The following BBS4 variants were observed in gnomAD, a reference collection of about 807,000 sequenced individuals.
BBS4 encodes the protein Bardet-Biedl syndrome 4.
BBS4 carries 58 observed loss-of-function variants against 71.4 expected under a neutral mutation model. The ratio of observed to expected loss-of-function variants is 0.81; its 90% CI spans 0.66 to 1.01. The LOEUF (loss-of-function observed/expected upper bound fraction) is 1.01, where lower values mean the gene tolerates loss of function less well. Ranked by LOEUF, BBS4 falls within the 50% of genes least tolerant of loss-of-function variation. The pLI, the probability that BBS4 is intolerant of heterozygous loss-of-function variation, is 0.00. For missense variants in BBS4, 660 were observed against 607.9 expected, an observed-to-expected ratio of 1.09 and a Z score of -0.90; for synonymous variants, 228 against 216.8, an observed-to-expected ratio of 1.05 and a Z score of -0.46.
intron 7 of BBS4, among the ~76,000 whole-genome samples, chr15:72,723,816 AT>A (rs1334944204): frequency 1.3e-5 from 2 of 152,204 alleles, no homozygotes; most frequent in African/African-American, 4.8e-5. Flanking sequence ...AAACAGGCAC[AT>A]TTCTATTCAC....
rs1471538426 is a variant in BBS4 at position 72,735,729 on chromosome 15, T to TA, written c.1107-94dup. Reference sequence around the variant, plus strand: ...GCTGCATAATGGAGAAATCTCTACTTAACCAGTTTTGTTTTGTTTTTGTGT... The same window carrying TA: ...GCTGCATAATGGAGAAATCTCTACTTAAACCAGTTTTGTTTTGTTTTTGTGT... On this transcript the variant is annotated intron_variant, in intron 13 of 15. Coordinates refer to ENST00000268057, the MANE Select transcript of BBS4 (RefSeq NM_033028.5). 3.4e-6 allele frequency: 5 copies of TA among 1,490,822 alleles called. No individual in the cohort carries two copies. The African/African-American group carries it at 6.9e-5, about 21-fold the overall frequency. 92.3% of individuals were successfully genotyped at this position (1,490,822 alleles called of 1,614,324 possible).
Position 72,738,138 on chromosome 15 carries a change from A to T in BBS4, c.*551A>T. 1 of 451,926 alleles carries T rather than the reference A, an allele frequency of 2.2e-6. No individual in the cohort carries two copies. Among genetic ancestry groups the T allele is most frequent in the South Asian group, 1.6e-5 (1 of 64,064 alleles). 28.0% of individuals were successfully genotyped at this position (451,926 alleles called of 1,614,324 possible). ...CTGGAAGTTGAGGCCAAGCCTGCTG[A>T]GTATTGCAGCTGCATTTGCCCAAAG... On this transcript the variant is annotated 3_prime_UTR_variant, in exon 16 of 16. Coordinates refer to ENST00000268057, the MANE Select transcript of BBS4 (RefSeq NM_033028.5).
At chr15:72,689,959 T>C (rs2114256) in intron 1 of BBS4, among the ~76,000 whole-genome samples, 82,861 of 151,726 alleles carry the variant, frequency 0.55, 24,062 homozygotes, top group Middle Eastern at 0.68. Flanking sequence ...TACAGGCGCC[T>C]GCCACCACGC....
At chr15:72,700,136 C>T (rs1489353816) in intron 2 of BBS4, among the ~76,000 whole-genome samples, 1 of 152,098 alleles carries the variant, frequency 6.6e-6, no homozygotes, top group Non-Finnish European at 1.5e-5. Context: ...GACGGGATTT[C>T]ACCATATTAG....
At chr15:72,718,720 A>G (rs934481653) in intron 6 of BBS4, among the ~76,000 whole-genome samples, 1 of 152,222 alleles carries the variant, frequency 6.6e-6, no homozygotes, top group Non-Finnish European at 1.5e-5. Flanking sequence ...GCACTGATCT[A>G]TGCCCTGGAG....
chr15:72,735,822 C>T lies in BBS4; in HGVS notation c.1107-3C>T. 1.2e-6 allele frequency: 2 copies of T among 1,614,138 alleles called. No individual in the cohort carries two copies. Among genetic ancestry groups the T allele is most frequent in the Non-Finnish European group, 1.7e-6 (2 of 1,180,018 alleles). Reference sequence around the variant, plus strand: ...AGCTCCATAGAATCTCTGTCTGCCACAGGTGTAACCCTTTAGTAAACCTGA... The same window carrying T: ...AGCTCCATAGAATCTCTGTCTGCCATAGGTGTAACCCTTTAGTAAACCTGA... On this transcript the variant is annotated splice_region_variant and splice_polypyrimidine_tract_variant and intron_variant, in intron 13 of 15. Coordinates refer to ENST00000268057, the MANE Select transcript of BBS4 (RefSeq NM_033028.5).
At chr15:72,734,999 A>G in intron 12 of BBS4, 114 bp from the exon 13 acceptor site, 3 of 753,760 alleles carry the variant, frequency 4.0e-6, no homozygotes, top group Non-Finnish European at 7.2e-6. Flanking sequence ...AAGCTGACTT[A>G]GTAAACTCTG....
intron 10 of BBS4, among the ~76,000 whole-genome samples, chr15:72,731,004 G>C (rs2065805567): frequency 1.4e-5 from 2 of 145,306 alleles, no homozygotes; most frequent in African/African-American, 2.5e-5. Flanking sequence ...TATTCATTCT[G>C]AAATACTGAC....
intron 2 of BBS4, among the ~76,000 whole-genome samples, 185 bp downstream of exon 2, chr15:72,695,413 G>T (rs929113141): frequency 6.6e-6 from 1 of 151,766 alleles, no homozygotes; most frequent in African/African-American, 2.4e-5. Context: ...TCAGCCTCCC[G>T]AGTAGCTGGG....
At chr15:72,737,022 G>C in intron 15 of BBS4, 59 bp downstream of exon 15, 2 of 1,564,274 alleles carry the variant, frequency 1.3e-6, no homozygotes, top group Admixed American at 1.7e-5. Flanking sequence ...GTGTCTGTCA[G>C]CAGAGATTAT....
At chr15:72,725,311 C>G (rs2065651544) in intron 8 of BBS4, among the ~76,000 whole-genome samples, 1 of 152,110 alleles carries the variant, frequency 6.6e-6, no homozygotes, top group Non-Finnish European at 1.5e-5. Flanking sequence ...TCAAGCGATC[C>G]TCCTGCCTCA....
chr15:72,725,540 A>G lies in BBS4; in HGVS notation c.587+885A>G, dbSNP rs372679372. Among the ~76,000 whole-genome samples the G allele has an allele frequency of 3.6e-4, 55 of 152,274 alleles. No homozygotes were observed. In the East Asian group the frequency reaches 4.4e-3, roughly 12 times the overall value. ...GTCTGCCATTTTGGTATCATATGTT[A>G]ATAACAGATCTTCTGTTTTCAGAGA... On this transcript the variant is annotated intron_variant, in intron 8 of 15. Transcript: ENST00000268057.
At chr15:72,718,125 A>G (rs558421225) in intron 6 of BBS4, among the ~76,000 whole-genome samples, 21 of 152,296 alleles carry the variant, frequency 1.4e-4, no homozygotes, top group Admixed American at 8.5e-4. Flanking sequence ...TTGGGATTAT[A>G]GGTGTGAGAC....
intron 3 of BBS4, among the ~76,000 whole-genome samples, chr15:72,711,425 A>G (rs1165454048): frequency 2.6e-5 from 4 of 152,204 alleles, no homozygotes; most frequent in African/African-American, 9.7e-5. Context: ...CTGGGATTAC[A>G]TGCGTGAGCC....
Position 72,688,411 on chromosome 15 carries a change from C to CTTTTTTTTTTTTTTTTT in BBS4, c.24+2164_24+2180dup, listed in dbSNP as rs58644289. ...GTCCTTTTAGGAAGTGGTATTTTAT[C>CTTTTTTTTTTTTTTTTT]TTTTTTTTTTTTTTTTTTTTGAGAC... is the stretch of plus-strand genomic sequence containing the variant. On this transcript the variant is annotated intron_variant, in intron 1 of 15. Transcript: ENST00000268057. Among the ~76,000 whole-genome samples, 652 of 83,040 alleles carry CTTTTTTTTTTTTTTTTT rather than the reference C, an allele frequency of 7.9e-3. 142 individuals are homozygous for CTTTTTTTTTTTTTTTTT. The highest frequency in any genetic ancestry group is 0.056 in the East Asian group (107 of 1,906). 54.5% of individuals were successfully genotyped at this position (83,040 alleles called of 152,430 possible). A position where few individuals can be genotyped will look rare whatever the true frequency, so the allele number is the denominator to read the frequency against.
intron 2 of BBS4, chr15:72,704,517 T>G (rs2065229329): frequency 8.7e-7 from 1 of 1,147,996 alleles, no homozygotes; most frequent in Non-Finnish European, 1.2e-6. Context: ...ATTCATAGAT[T>G]CTAGGGATTT....
At chr15:72,709,323 G>T (rs1333223244) in intron 2 of BBS4, among the ~76,000 whole-genome samples, 1 of 152,192 alleles carries the variant, frequency 6.6e-6, no homozygotes, top group Admixed American at 6.5e-5. Flanking sequence ...AGGTTCCCCT[G>T]ATATATTTCC....
intron 2 of BBS4, among the ~76,000 whole-genome samples, chr15:72,699,458 C>T (rs1235541013): frequency 6.6e-6 from 1 of 152,084 alleles, no homozygotes; most frequent in Admixed American, 6.6e-5. Flanking sequence ...TAATTTTTCC[C>T]TATTATTTTT....
rs781012019 is a variant in BBS4, at chr15:72,724,641, C to T, written c.573C>T (p.Tyr191=). ...ACTTGGACAAGGCCATTGAAGTCTA[C>T]AAGAAAGCAGTGGAGTAAGTGTATC... ...EGDLDKAIEV[Y]KKAVEFSPEN... is the part of the protein sequence containing the mutation. Residue 191 remains tyrosine (Y), a synonymous_variant, in exon 8 of 16, where the codon TAC becomes TAT. Transcript: ENST00000268057. The T allele has an allele frequency of 5.0e-6, 8 of 1,613,900 alleles. No homozygotes were observed. Among genetic ancestry groups the T allele is most frequent in the South Asian group, 1.1e-5 (1 of 91,068 alleles).
Sources: gnomAD v4.1 joint callset for allele counts (sites outside exome capture counted in the v4.1 genomes callset) on GRCh38, gnomAD v4.1.1 for gene constraint, MANE v1.5 for transcripts, NCBI Gene and HGNC (gene_info 2026-07-23, HGNC 2026-07-21) for gene names.